The following PDE7B variants were observed in gnomAD, a reference collection of about 807,000 sequenced individuals.
PDE7B encodes 3',5'-cyclic-AMP phosphodiesterase 7B.
A neutral mutation model predicts 56.2 loss-of-function variants in PDE7B; 29 were observed. The ratio of observed to expected loss-of-function variants is 0.52; its 90% CI spans 0.38 to 0.70. The LOEUF is 0.70. Among genes scored for constraint, PDE7B ranks in the 30% least tolerant of loss-of-function variants. The probability of loss-of-function intolerance (pLI) is 0.00; values close to 1 mark genes in which losing one functional copy is unlikely to be tolerated. For synonymous variants in PDE7B, 197 were observed against 196.9 expected, an observed-to-expected ratio of 1.00 and a Z score of 0.00; for missense variants, 490 against 565.0, an observed-to-expected ratio of 0.87 and a Z score of 1.35.
chr6:136,163,173 A>T (rs1472841119), intron 8 of PDE7B, among the ~76,000 whole-genome samples: 2 of 152,224 alleles, frequency 1.3e-5, no homozygotes, highest in African/African-American at 4.8e-5. Flanking sequence ...GAGGTTTTCC[A>T]TGAGGGTTCT....
At chr6:135,948,202 T>A (rs896659253) in intron 2 of PDE7B, among the ~76,000 whole-genome samples, 1 of 152,048 alleles carries the variant, frequency 6.6e-6, no homozygotes, top group Non-Finnish European at 1.5e-5. Context: ...TATGAAAGTT[T>A]CTAAACAGTA....
At chr6:135,882,125 G>T (rs1250514356) in intron 1 of PDE7B, among the ~76,000 whole-genome samples, 3 of 152,174 alleles carry the variant, frequency 2.0e-5, no homozygotes, top group African/African-American at 7.2e-5. Context: ...AGGAGCAGCT[G>T]GCCTGATTTA....
rs373035377 is a variant in PDE7B at position 136,072,547 on chromosome 6, A to T, written c.83-36184A>T. The stretch of plus-strand genomic sequence containing the variant: ...AAAGATGTCTTCTAATAACTATTTT[A>T]CCTTAATCAGTTTTAAGACAAGCTT... On this transcript the variant is annotated intron_variant, in intron 2 of 12. Transcript: ENST00000308191. 13 of 152,120 alleles carry T rather than the reference A, an allele frequency of 8.5e-5. 1 individual carries two copies. The East Asian group carries it at 2.1e-3, about 25-fold the overall frequency. The allele number at this position is 152,120 out of a possible 1,614,324, so 9.4% of individuals were successfully genotyped here. A position where few individuals can be genotyped will look rare whatever the true frequency, so the allele number is the denominator to read the frequency against.
chr6:136,161,726 C>T (rs1034535654), intron 8 of PDE7B, among the ~76,000 whole-genome samples: 1 of 152,138 alleles, frequency 6.6e-6, no homozygotes, highest in Non-Finnish European at 1.5e-5. Context: ...AAATAGGACT[C>T]TTTTTCTTTT....
chr6:135,877,228 C>A (rs111748382), intron 1 of PDE7B, among the ~76,000 whole-genome samples: 1 of 151,954 alleles, frequency 6.6e-6, no homozygotes, highest in Non-Finnish European at 1.5e-5. Flanking sequence ...CTGCTGACTC[C>A]TTCTTGATGG....
intron 1 of PDE7B, among the ~76,000 whole-genome samples, chr6:135,875,845 TA>T (rs1562420707): frequency 6.6e-6 from 1 of 152,222 alleles, no homozygotes; most frequent in African/African-American, 2.4e-5. Context: ...ATTTGGTCTC[TA>T]TTGTTGCCAA....
At chr6:136,023,173 C>A (rs1776100981) in intron 2 of PDE7B, among the ~76,000 whole-genome samples, 1 of 152,188 alleles carries the variant, frequency 6.6e-6, no homozygotes, top group South Asian at 2.1e-4. Flanking sequence ...CACTTGGGTA[C>A]ACAGTCACTT....
chr6:136,056,539 T>C (rs1776737196), intron 2 of PDE7B, among the ~76,000 whole-genome samples: 1 of 131,526 alleles, frequency 7.6e-6, no homozygotes, highest in Non-Finnish European at 1.6e-5. Context: ...TTTTTTTTTT[T>C]TTTTTTTTTT....
At position 135,934,474 on chromosome 6, in the gene PDE7B, C is replaced by T. The variant is rs551873080; in HGVS notation, c.22-12990C>T. Among the ~76,000 whole-genome samples, 9 of 151,700 alleles carry T rather than the reference C, an allele frequency of 5.9e-5. No individual in the cohort carries two copies. The East Asian group carries it at 1.4e-3, about 23-fold the overall frequency. The stretch of plus-strand genomic sequence containing the variant: ...CAGTGCAGTGGCTCACGCCTGTAAT[C>T]CCAGCACTTTGGGAGGCCAAGGCAG... On this transcript the variant is annotated intron_variant, in intron 1 of 12. Coordinates refer to ENST00000308191, the MANE Select transcript of PDE7B (RefSeq NM_018945.4).
At chr6:136,106,336 T>G (rs1006422819) in intron 2 of PDE7B, among the ~76,000 whole-genome samples, 4 of 152,210 alleles carry the variant, frequency 2.6e-5, no homozygotes, top group Non-Finnish European at 5.9e-5. Context: ...TATGTGAGGA[T>G]CTAAGATTTT....
At chr6:136,187,005 T>C in intron 11 of PDE7B, 31 bp from the exon 12 acceptor site, 1 of 1,071,646 alleles carries the variant, frequency 9.3e-7, no homozygotes, top group Non-Finnish European at 1.4e-6. Flanking sequence ...AGATTACCAA[T>C]GTGTTTTTTT....
intron 11 of PDE7B, among the ~76,000 whole-genome samples, chr6:136,184,339 G>A (rs1393478075): frequency 1.3e-5 from 2 of 152,174 alleles, no homozygotes; most frequent in East Asian, 3.8e-4. Flanking sequence ...GTGGTCACAG[G>A]AGAAGATCCA....
At chr6:136,119,674 G>T (rs1777896517) in intron 3 of PDE7B, among the ~76,000 whole-genome samples, 1 of 152,108 alleles carries the variant, frequency 6.6e-6, no homozygotes, top group African/African-American at 2.4e-5. Context: ...TTTAAATGAA[G>T]ACACTCAAAA....
chr6:136,057,399 C>T (rs141699886), intron 2 of PDE7B, among the ~76,000 whole-genome samples: 1 of 152,142 alleles, frequency 6.6e-6, no homozygotes, highest in Non-Finnish European at 1.5e-5. Flanking sequence ...ATTTTTTAAT[C>T]AAACTCTCAC....
At chr6:135,888,229 G>A (rs1219722313) in intron 1 of PDE7B, among the ~76,000 whole-genome samples, 5 of 152,090 alleles carry the variant, frequency 3.3e-5, no homozygotes, top group African/African-American at 1.2e-4. Context: ...TACAAGAAGA[G>A]GACTACTTAG....
chr6:135,982,419 T>C (rs540492986), intron 2 of PDE7B, among the ~76,000 whole-genome samples: 2 of 152,300 alleles, frequency 1.3e-5, no homozygotes, highest in African/African-American at 4.8e-5. Flanking sequence ...TCTGCTACTT[T>C]CTTCTCTCTG....
Position 135,884,504 on chromosome 6 carries a change from G to C in PDE7B, c.21+32485G>C, listed in dbSNP as rs533186312. On this transcript the variant is annotated intron_variant, in intron 1 of 12. Coordinates refer to ENST00000308191, the MANE Select transcript of PDE7B (RefSeq NM_018945.4). Reference sequence around the variant, plus strand: ...ACAGAAGTCCTTTCTATGGCTTTTTGACTTCATGTCCTTGAAATCTCTATC... The same window carrying C: ...ACAGAAGTCCTTTCTATGGCTTTTTCACTTCATGTCCTTGAAATCTCTATC... 2.6e-5 allele frequency among the ~76,000 whole-genome samples: 4 copies of C among 152,124 alleles called. No homozygotes were observed. The South Asian group carries it at 8.3e-4, about 32-fold the overall frequency.
At position 136,090,379 on chromosome 6, in the gene PDE7B, A is replaced by C. The variant is rs1777367648; in HGVS notation, c.83-18352A>C. ...AGGAATTTAGAGAATTTGTGCTTTT[A>C]GTTGAAGGGATTGTTGGGATATGAA... On this transcript the variant is annotated intron_variant, in intron 2 of 12. Transcript: ENST00000308191. 2.0e-5 allele frequency among the ~76,000 whole-genome samples: 3 copies of C among 152,340 alleles called. No homozygotes were observed. The South Asian group carries it at 6.2e-4, about 32-fold the overall frequency.
intron 2 of PDE7B, among the ~76,000 whole-genome samples, chr6:136,032,925 T>C (rs1206668824): frequency 6.6e-6 from 1 of 152,214 alleles, no homozygotes; most frequent in Non-Finnish European, 1.5e-5. Flanking sequence ...GTGGTGAGTA[T>C]AGATCAAAAC....
Sources: gnomAD v4.1 joint callset for allele counts (sites outside exome capture counted in the v4.1 genomes callset) on GRCh38, gnomAD v4.1.1 for gene constraint, MANE v1.5 for transcripts, NCBI Gene and HGNC (gene_info 2026-07-23, HGNC 2026-07-21) for gene names.